Variants in PI4KA observed in about 807,000 individuals in gnomAD.
PI4KA encodes the protein PI4-kinase alpha.
Under a neutral mutation model 271.4 loss-of-function variants are expected in PI4KA, and 122 were observed. The ratio of observed to expected loss-of-function variants is 0.45; its 90% CI spans 0.39 to 0.52. PI4KA has a LOEUF of 0.52. Among genes scored for constraint, PI4KA ranks in the 20% least tolerant of loss-of-function variants. The pLI, the probability that PI4KA is intolerant of heterozygous loss-of-function variation, is 0.00. For missense variants in PI4KA, 1,969 were observed against 2,769.1 expected, an observed-to-expected ratio of 0.71 and a Z score of 6.48; for synonymous variants, 1,041 against 1,078.8, an observed-to-expected ratio of 0.96 and a Z score of 0.69.
intron 18 of PI4KA, among the ~76,000 whole-genome samples, chr22:20,795,634 G>T (rs1171155342): frequency 1.3e-5 from 2 of 152,194 alleles, no homozygotes; most frequent in Non-Finnish European, 2.9e-5. Context: ...TGCTACTGGG[G>T]AGTTACGAAG....
At chr22:20,727,202 G>A (rs760804196) in intron 41 of PI4KA, 28 bp downstream of exon 41, 1 of 1,598,636 alleles carries the variant, frequency 6.3e-7, no homozygotes, top group South Asian at 1.1e-5. Flanking sequence ...TCCTACCAGA[G>A]GCCAGCTCAG....
intron 44 of PI4KA, among the ~76,000 whole-genome samples, chr22:20,718,309 G>A (rs1301376352): frequency 6.6e-6 from 1 of 152,228 alleles, no homozygotes; most frequent in African/African-American, 2.4e-5. Flanking sequence ...CTAGGAAAAC[G>A]ATGACAGGAC....
chr22:20,818,585 A>C (rs753002807), intron 6 of PI4KA, 36 bp from the exon 7 acceptor site: 18 of 1,444,082 alleles, frequency 1.2e-5, no homozygotes, highest in Non-Finnish European at 2.8e-6. Context: ...ATCAGAAAAG[A>C]CCAGTGAGAC....
intron 17 of PI4KA, 176 bp downstream of exon 17, chr22:20,798,408 C>T: frequency 1.7e-6 from 1 of 589,964 alleles, no homozygotes; most frequent in Non-Finnish European, 3.0e-6. Flanking sequence ...GCTCAGTGGT[C>T]ACCTCCAGGT....
intron 19 of PI4KA, among the ~76,000 whole-genome samples, chr22:20,790,740 ACAAC>A (rs1934590703): frequency 5.5e-5 from 8 of 145,424 alleles, no homozygotes; most frequent in African/African-American, 1.8e-4. Flanking sequence ...ACACACACAC[ACAAC>A]AAAAAAAACC....
intron 7 of PI4KA, among the ~76,000 whole-genome samples, chr22:20,817,046 T>C (rs1921899000): frequency 6.6e-6 from 1 of 152,208 alleles, no homozygotes; most frequent in South Asian, 2.1e-4. Flanking sequence ...AGGAGTTGTC[T>C]CTAAGAGGTG....
At chr22:20,776,124 C>A (rs1219503367) in intron 19 of PI4KA, among the ~76,000 whole-genome samples, 1 of 152,060 alleles carries the variant, frequency 6.6e-6, no homozygotes, top group Non-Finnish European at 1.5e-5. Flanking sequence ...GAGTTTGAGA[C>A]CTGTCTGGGC....
intron 43 of PI4KA, among the ~76,000 whole-genome samples, chr22:20,720,576 C>G (rs1364558604): frequency 6.6e-6 from 1 of 152,130 alleles, no homozygotes; most frequent in Non-Finnish European, 1.5e-5. Context: ...TACCACTTCT[C>G]AAGTGTGGTG....
At chr22:20,720,713 G>C (rs538939356) in intron 43 of PI4KA, among the ~76,000 whole-genome samples, 1 of 152,132 alleles carries the variant, frequency 6.6e-6, no homozygotes, top group Admixed American at 6.6e-5. Flanking sequence ...ACGAGAATGA[G>C]AATCCAGCCG....
chr22:20,713,472 T>A (rs1392185243), intron 47 of PI4KA, 82 bp from the exon 48 acceptor site: 2 of 1,058,428 alleles, frequency 1.9e-6, no homozygotes, highest in Non-Finnish European at 2.8e-6. Context: ...TCCTCTCACA[T>A]GCCTGAAAGG....
At chr22:20,785,976 C>T in intron 19 of PI4KA, 5 of 1,614,142 alleles carry the variant, frequency 3.1e-6, no homozygotes, top group South Asian at 1.1e-5. Context: ...TTCAATAAAA[C>T]TGGGCCCCCC....
intron 52 of PI4KA, chr22:20,710,450 A>G: frequency 1.8e-6 from 1 of 570,610 alleles, no homozygotes; most frequent in Non-Finnish European, 3.2e-6. Flanking sequence ...TGGGATGCCC[A>G]GAAAGGGAGA....
At chr22:20,770,820 G>C (rs1485964114) in intron 19 of PI4KA, among the ~76,000 whole-genome samples, 1 of 152,068 alleles carries the variant, frequency 6.6e-6, no homozygotes, top group East Asian at 1.9e-4. Flanking sequence ...GCCTCCCAAA[G>C]TGCTGGGATG....
intron 23 of PI4KA, among the ~76,000 whole-genome samples, chr22:20,754,255 T>C (rs555678730): frequency 1.2e-3 from 178 of 152,200 alleles, no homozygotes; most frequent in African/African-American, 3.7e-3. Flanking sequence ...GCTCAGCTAA[T>C]TGATTATTTT....
At chr22:20,848,634 T>C (rs888013283) in intron 1 of PI4KA, among the ~76,000 whole-genome samples, 2 of 152,128 alleles carry the variant, frequency 1.3e-5, no homozygotes, top group African/African-American at 2.4e-5. Flanking sequence ...GATATTCACA[T>C]GCAAAAGAAT....
Position 20,711,615 on chromosome 22 carries a change from T to C in PI4KA, c.5803-154A>G, listed in dbSNP as rs929479906. On this transcript the variant is annotated intron_variant, in intron 50 of 54. Coordinates refer to ENST00000255882, the MANE Select transcript of PI4KA (RefSeq NM_058004.4). ...CCCGAATCAGCAAGCCAGTCTTCGG[T>C]AGCAGGAGTGACAGGGGCTCTCTGT... 26 of 784,344 alleles carry C rather than the reference T, an allele frequency of 3.3e-5. No homozygotes were observed. The African/African-American group carries it at 3.5e-4, about 10-fold the overall frequency. The allele number at this position is 784,344 out of a possible 1,614,324, so 48.6% of individuals were successfully genotyped here. A position where few individuals can be genotyped will look rare whatever the true frequency, so the allele number is the denominator to read the frequency against.
At chr22:20,742,394 C>A in intron 31 of PI4KA, 39 bp from the exon 32 acceptor site, 3 of 1,603,854 alleles carry the variant, frequency 1.9e-6, no homozygotes, top group Non-Finnish European at 2.6e-6. Flanking sequence ...CCTCCAACAA[C>A]AGCTGAACCC....
chr22:20,752,113 G>T (rs970498317), intron 25 of PI4KA, among the ~76,000 whole-genome samples: 5 of 152,194 alleles, frequency 3.3e-5, no homozygotes, highest in Non-Finnish European at 7.3e-5. Context: ...GAAAACAACA[G>T]TATCTACCTG....
chr22:20,834,912 G>A (rs1347534712), intron 2 of PI4KA, among the ~76,000 whole-genome samples: 1 of 152,226 alleles, frequency 6.6e-6, no homozygotes, highest in Non-Finnish European at 1.5e-5. Flanking sequence ...TTCTGGAGCT[G>A]AGGGTCCAGC....
Sources: allele counts gnomAD v4.1 joint callset (sites outside exome capture counted in the v4.1 genomes callset), GRCh38; gene constraint gnomAD v4.1.1; transcripts MANE v1.5; gene names NCBI Gene and HGNC (gene_info 2026-07-23, HGNC 2026-07-21).